ALDH1A3: variants seen among roughly 807,000 people sequenced by gnomAD.
ALDH1A3 encodes retinaldehyde dehydrogenase 3.
Under a neutral mutation model 57.5 loss-of-function variants are expected in ALDH1A3, and 28 were observed. The observed-to-expected ratio is 0.49, with a 90% confidence interval of 0.36 to 0.67. ALDH1A3 has a LOEUF of 0.67. Ranked by LOEUF, ALDH1A3 falls within the 30% of genes least tolerant of loss-of-function variation. The probability of loss-of-function intolerance (pLI) is 0.00; values close to 1 mark genes in which losing one functional copy is unlikely to be tolerated. For missense variants in ALDH1A3, 507 were observed against 669.4 expected, an observed-to-expected ratio of 0.76 and a Z score of 2.68; for synonymous variants, 281 against 264.8, an observed-to-expected ratio of 1.06 and a Z score of -0.59.
chr15:100,882,779 T>G (rs2061669121), intron 1 of ALDH1A3, among the ~76,000 whole-genome samples: 1 of 152,216 alleles, frequency 6.6e-6, no homozygotes, highest in Non-Finnish European at 1.5e-5. Context: ...TTACCCTGAT[T>G]TGGAGTTCAA....
At chr15:100,880,665 G>A in intron 1 of ALDH1A3, 1 of 155,708 alleles carries the variant, frequency 6.4e-6, no homozygotes, top group East Asian at 1.9e-4. Flanking sequence ...CCGGAAGGTC[G>A]CAGACCTGGG....
In ALDH1A3 at chr15:100,914,911, T is replaced by C. The variant is rs1230527618; in HGVS notation, c.*138T>C. The C allele has an allele frequency of 5.2e-6, 4 of 767,262 alleles. No individual in the cohort carries two copies. Among genetic ancestry groups the C allele is most frequent in the Middle Eastern group, 3.2e-4 (1 of 3,108 alleles). The allele number at this position is 767,262 out of a possible 1,614,324, so 47.5% of individuals were successfully genotyped here. Reference sequence around the variant, plus strand: ...CTTTACATCTACTGGAGTTGAATGATTGCTGTTTTCCTCTCACTCTCCTGT... The same window carrying C: ...CTTTACATCTACTGGAGTTGAATGACTGCTGTTTTCCTCTCACTCTCCTGT... On this transcript the variant is annotated 3_prime_UTR_variant, in exon 13 of 13. Coordinates refer to ENST00000329841, the MANE Select transcript of ALDH1A3 (RefSeq NM_000693.4).
At chr15:100,911,330 G>C (rs866304318) in intron 12 of ALDH1A3, among the ~76,000 whole-genome samples, 2 of 152,226 alleles carry the variant, frequency 1.3e-5, no homozygotes, top group Admixed American at 6.5e-5. Context: ...AGCTGTTTCT[G>C]TGCGGGTCTC....
At chr15:100,911,378 T>G (rs1393077705) in intron 12 of ALDH1A3, among the ~76,000 whole-genome samples, 1 of 152,208 alleles carries the variant, frequency 6.6e-6, no homozygotes, top group Non-Finnish European at 1.5e-5. Context: ...CCTGGGAGCC[T>G]TTCTTCTGAA....
intron 9 of ALDH1A3, among the ~76,000 whole-genome samples, chr15:100,902,073 C>T (rs970149524): frequency 9.2e-5 from 14 of 152,326 alleles, no homozygotes; most frequent in African/African-American, 2.9e-4. Context: ...TTGAATCCGC[C>T]GTGAGTTTTA....
intron 12 of ALDH1A3, among the ~76,000 whole-genome samples, chr15:100,911,306 C>G (rs536809797): frequency 1.3e-5 from 2 of 152,256 alleles, no homozygotes; most frequent in African/African-American, 4.8e-5. Context: ...CGCCCACCCA[C>G]GGGCCCCTCC....
chr15:100,911,110 T>TA (rs2041878775), intron 12 of ALDH1A3, among the ~76,000 whole-genome samples: 1 of 152,260 alleles, frequency 6.6e-6, no homozygotes, highest in African/African-American at 2.4e-5. Flanking sequence ...AGGCTTTTGA[T>TA]AAAATATTTA....
intron 12 of ALDH1A3, among the ~76,000 whole-genome samples, chr15:100,911,047 A>G (rs1223746898): frequency 6.6e-6 from 1 of 152,232 alleles, no homozygotes; most frequent in African/African-American, 2.4e-5. Context: ...GTTAGCCTCC[A>G]TCGGGACTTT....
intron 6 of ALDH1A3, 186 bp from the exon 7 acceptor site, chr15:100,895,747 G>A: frequency 5.0e-6 from 3 of 601,058 alleles, no homozygotes; most frequent in Non-Finnish European, 9.0e-6. Flanking sequence ...GCTGGCAGCA[G>A]GGGATGAGAA....
rs1387225974 is a variant in ALDH1A3, at chr15:100,889,358, G to T, written c.345+1646G>T. Among the ~76,000 whole-genome samples the T allele has an allele frequency of 6.6e-6, 1 of 152,048 alleles. No individual in the cohort carries two copies. The highest frequency in any genetic ancestry group is 1.9e-4 in the East Asian group (1 of 5,194). ...GTACTCTTGGGTGCATTTCCCTAAGGGTGCATCCACACAGAAACTCGAGCT... is the reference window on the plus strand; with the variant it reads ...GTACTCTTGGGTGCATTTCCCTAAGTGTGCATCCACACAGAAACTCGAGCT... On this transcript the variant is annotated intron_variant, in intron 3 of 12. Transcript: ENST00000329841. The surrounding 1 kb of genome is among the most constrained non-coding windows in gnomAD (Gnocchi z 5.1).
chr15:100,880,900 T>A (rs1051100310), intron 1 of ALDH1A3: 2 of 152,308 alleles, frequency 1.3e-5, no homozygotes, highest in Admixed American at 1.3e-4. Flanking sequence ...ACCCCCAGGC[T>A]GTCTGGCGTG....
chr15:100,903,662 C>T (rs1036401752), intron 9 of ALDH1A3, among the ~76,000 whole-genome samples: 2 of 152,216 alleles, frequency 1.3e-5, no homozygotes, highest in Admixed American at 6.5e-5. Context: ...TTGTCTGTTT[C>T]TTTACCCTTT....
intron 11 of ALDH1A3, among the ~76,000 whole-genome samples, chr15:100,907,830 T>C (rs2041837818): frequency 9.6e-6 from 1 of 103,724 alleles, no homozygotes. Context: ...ATTTTTCTTT[T>C]TCTTTCTTTC....
At chr15:100,888,177 C>T (rs182458902) in intron 3 of ALDH1A3, among the ~76,000 whole-genome samples, 1 of 152,276 alleles carries the variant, frequency 6.6e-6, no homozygotes, top group East Asian at 1.9e-4. Flanking sequence ...CGGCTCACTG[C>T]AGCCTCTGCC....
chr15:100,895,859 T>C (rs2041697122), intron 6 of ALDH1A3, 74 bp from the exon 7 acceptor site: 1 of 1,321,072 alleles, frequency 7.6e-7, no homozygotes, highest in African/African-American at 1.5e-5. Context: ...CAGCCACGGC[T>C]CTCTCGGCCC....
intron 6 of ALDH1A3, chr15:100,895,449 CAAAA>C (rs796542093): frequency 2.3e-5 from 3 of 131,910 alleles, no homozygotes; most frequent in Non-Finnish European, 3.3e-5. Flanking sequence ...GACTCCATCT[CAAAA>C]AAAAAAAAAA....
chr15:100,891,460 G>A lies in ALDH1A3; in HGVS notation c.346-1050G>A, dbSNP rs540387560. Among the ~76,000 whole-genome samples the A allele has an allele frequency of 6.6e-5, 10 of 152,360 alleles. No homozygotes were observed. The East Asian group carries it at 1.7e-3, about 26-fold the overall frequency. Reference sequence around the variant, plus strand: ...CAGGAGCAGCCTGTAAAGGCCAGTCGCTGTGCTGGCCAGAAGTAGATGCCC... The same window carrying A: ...CAGGAGCAGCCTGTAAAGGCCAGTCACTGTGCTGGCCAGAAGTAGATGCCC... On this transcript the variant is annotated intron_variant, in intron 3 of 12. Coordinates refer to ENST00000329841, the MANE Select transcript of ALDH1A3 (RefSeq NM_000693.4).
At chr15:100,897,722 T>C (rs1342927651) in intron 7 of ALDH1A3, among the ~76,000 whole-genome samples, 2 of 152,258 alleles carry the variant, frequency 1.3e-5, no homozygotes, top group African/African-American at 2.4e-5. Flanking sequence ...CTGCGGTCCC[T>C]GAAGCCCTTT....
rs566172436 is a variant in ALDH1A3, at chr15:100,889,820, A to G, written c.345+2108A>G. 6.6e-6 allele frequency among the ~76,000 whole-genome samples: 1 copy of G among 152,364 alleles called. No individual in the cohort carries two copies. The highest frequency in any genetic ancestry group is 2.4e-5 in the African/African-American group (1 of 41,584). On this transcript the variant is annotated intron_variant, in intron 3 of 12. Coordinates refer to ENST00000329841, the MANE Select transcript of ALDH1A3 (RefSeq NM_000693.4). The surrounding 1 kb of genome is among the most constrained non-coding windows in gnomAD (Gnocchi z 5.1). ...ACTGGCACCTCGCAGCCCACGAGAA[A>G]TAAGATCCAGCTCTTTGCCACAACA...
Sources: allele counts gnomAD v4.1 joint callset (sites outside exome capture counted in the v4.1 genomes callset), GRCh38; gene constraint gnomAD v4.1.1; non-coding constraint Gnocchi (gnomAD v3.1); transcripts MANE v1.5; gene names NCBI Gene and HGNC (gene_info 2026-07-23, HGNC 2026-07-21).